UVRAG: variants seen among roughly 807,000 people sequenced by gnomAD.
UVRAG encodes UV radiation resistance-associated gene protein.
In UVRAG, 19 loss-of-function variants were observed where a neutral mutation model predicts 78.0. That is an observed-to-expected ratio of 0.24 (90% CI 0.17 to 0.36). UVRAG has a LOEUF of 0.36. Ranked by LOEUF, UVRAG falls within the 10% of genes least tolerant of loss-of-function variation. UVRAG has a pLI of 1.00. For synonymous variants in UVRAG, 323 were observed against 324.6 expected, an observed-to-expected ratio of 1.00 and a Z score of 0.05; for missense variants, 740 against 853.8, an observed-to-expected ratio of 0.87 and a Z score of 1.66.
chr11:75,963,102 T>A (rs1948939208), intron 7 of UVRAG, among the ~76,000 whole-genome samples: 2 of 152,212 alleles, frequency 1.3e-5, no homozygotes, highest in South Asian at 4.1e-4. Flanking sequence ...GTACATTCTA[T>A]CCCTTTTCCT....
chr11:76,033,026 G>A (rs754111819), intron 12 of UVRAG, among the ~76,000 whole-genome samples: 4 of 152,108 alleles, frequency 2.6e-5, no homozygotes, highest in African/African-American at 7.2e-5. Flanking sequence ...TTTTGATCAC[G>A]GATTGGTTGT....
chr11:75,856,175 G>A (rs1035701832), intron 2 of UVRAG, among the ~76,000 whole-genome samples: 3 of 151,572 alleles, frequency 2.0e-5, no homozygotes, highest in Non-Finnish European at 1.5e-5. Flanking sequence ...ATTTTTAGTA[G>A]AGACGGGGTT....
chr11:75,949,543 A>G (rs747629365), intron 6 of UVRAG, among the ~76,000 whole-genome samples: 2 of 152,038 alleles, frequency 1.3e-5, no homozygotes, highest in Non-Finnish European at 1.5e-5. Context: ...GGCACCTCCA[A>G]CTGAAAATAG....
intron 5 of UVRAG, among the ~76,000 whole-genome samples, chr11:75,897,900 C>T (rs1300312802): frequency 2.0e-5 from 2 of 100,654 alleles, no homozygotes; most frequent in Non-Finnish European, 3.6e-5. Flanking sequence ...GGACAAGTCT[C>T]GTTCTGTCAC....
intron 4 of UVRAG, among the ~76,000 whole-genome samples, chr11:75,882,551 A>C (rs1157014582): frequency 6.6e-6 from 1 of 152,124 alleles, no homozygotes; most frequent in Non-Finnish European, 1.5e-5. Context: ...TCTAAAAAAA[A>C]CTAAAAATCT....
At chr11:76,131,683 A>G (rs574647679) in intron 14 of UVRAG, among the ~76,000 whole-genome samples, 3 of 152,212 alleles carry the variant, frequency 2.0e-5, no homozygotes, top group Admixed American at 6.5e-5. Flanking sequence ...TTCTATTTTT[A>G]TTTTGTTTCA....
chr11:76,020,294 G>C (rs1950220245), intron 12 of UVRAG, among the ~76,000 whole-genome samples: 1 of 152,070 alleles, frequency 6.6e-6, no homozygotes, highest in East Asian at 1.9e-4. Context: ...CCTGGAATCA[G>C]GGACCCCAAA....
intron 13 of UVRAG, among the ~76,000 whole-genome samples, chr11:76,083,683 A>G (rs2134414685): frequency 6.6e-6 from 1 of 152,334 alleles, no homozygotes; most frequent in East Asian, 1.9e-4. Flanking sequence ...ACTTTGTATA[A>G]CCAAGCCAAA....
At chr11:75,945,213 G>T (rs1221325093) in intron 6 of UVRAG, among the ~76,000 whole-genome samples, 1 of 152,082 alleles carries the variant, frequency 6.6e-6, no homozygotes, top group African/African-American at 2.4e-5. Flanking sequence ...TTGTGCTTTG[G>T]GGGGTTAAGA....
At chr11:75,954,437 A>G (rs2135180290) in intron 6 of UVRAG, among the ~76,000 whole-genome samples, 1 of 152,272 alleles carries the variant, frequency 6.6e-6, no homozygotes, top group South Asian at 2.1e-4. Context: ...CTCTGGGTTG[A>G]TGATGCCTAT....
At chr11:75,855,069 T>C (rs1054879885) in intron 2 of UVRAG, among the ~76,000 whole-genome samples, 11 of 152,234 alleles carry the variant, frequency 7.2e-5, no homozygotes, top group African/African-American at 2.4e-4. Context: ...ATAATAATCA[T>C]AATAGTATTT....
chr11:75,816,661 C>T (rs1280160047), intron 1 of UVRAG, among the ~76,000 whole-genome samples: 1 of 152,216 alleles, frequency 6.6e-6, no homozygotes, highest in African/African-American at 2.4e-5. Context: ...CAGTGTCTGA[C>T]TCTGCAGCCA....
intron 2 of UVRAG, among the ~76,000 whole-genome samples, chr11:75,853,257 A>C (rs762191960): frequency 7.1e-6 from 1 of 140,680 alleles, no homozygotes; most frequent in Non-Finnish European, 1.5e-5. Context: ...TTGTTTAACA[A>C]CTTTTTTTAA....
In UVRAG at chr11:76,016,965, C is replaced by A; in HGVS notation, c.1211C>A (p.Thr404Lys). 1.9e-6 allele frequency: 3 copies of A among 1,598,754 alleles called. No homozygotes were observed. Among genetic ancestry groups the A allele is most frequent in the Non-Finnish European group, 1.7e-6 (2 of 1,171,860 alleles). ...TIKDNINDKL[T>K]EKEREFPLYP... ...AAAGACAATATCAATGACAAACTGA[C>A]GGAAAAGGAGAGAGAGTAAGTGTCT... The change falls in exon 12 of 15, where the codon ACG (threonine) becomes AAG (lysine). Residue 404 changes from threonine (T) to lysine (K), a missense_variant. By Grantham distance (78) the Thr-to-Lys change is moderately conservative (BLOSUM62 -1). Coordinates refer to ENST00000356136, the MANE Select transcript of UVRAG (RefSeq NM_003369.4).
At chr11:75,974,159 C>A (rs942207321) in intron 7 of UVRAG, among the ~76,000 whole-genome samples, 3 of 152,156 alleles carry the variant, frequency 2.0e-5, no homozygotes, top group Admixed American at 1.3e-4. Context: ...AACTAGTTTA[C>A]AGTCCCACCA....
intron 6 of UVRAG, among the ~76,000 whole-genome samples, chr11:75,931,619 A>C (rs1489908700): frequency 6.6e-6 from 1 of 152,222 alleles, no homozygotes; most frequent in Non-Finnish European, 1.5e-5. Flanking sequence ...CACAGCCCTT[A>C]GTAATAACCA....
rs556604550 is a variant in UVRAG at position 76,110,744 on chromosome 11, A to G, written c.1306-5180A>G. On this transcript the variant is annotated intron_variant, in intron 13 of 14. Coordinates refer to ENST00000356136, the MANE Select transcript of UVRAG (RefSeq NM_003369.4). ...GCCTAGAGAGAGACATAGAGACAAGAAAGAGAGCTTTCTGCCAGAGTAATG... is the reference window on the plus strand; with the variant it reads ...GCCTAGAGAGAGACATAGAGACAAGGAAGAGAGCTTTCTGCCAGAGTAATG... Among the ~76,000 whole-genome samples the G allele has an allele frequency of 2.3e-3, 345 of 152,280 alleles. 3 individuals carry two copies. Among genetic ancestry groups the G allele is most frequent in the African/African-American group, 7.7e-3 (319 of 41,524 alleles).
chr11:76,099,939 T>C (rs1951850186), intron 13 of UVRAG, among the ~76,000 whole-genome samples: 1 of 152,106 alleles, frequency 6.6e-6, no homozygotes, highest in Non-Finnish European at 1.5e-5. Context: ...AGACTTTTTT[T>C]CTTACCTAAT....
intron 6 of UVRAG, among the ~76,000 whole-genome samples, chr11:75,924,946 G>T (rs1948064152): frequency 6.6e-6 from 1 of 152,160 alleles, no homozygotes; most frequent in African/African-American, 2.4e-5. Context: ...GGTGAATGAA[G>T]AATAAAATAG....
Sources: gnomAD v4.1 joint callset for allele counts (sites outside exome capture counted in the v4.1 genomes callset) on GRCh38, gnomAD v4.1.1 for gene constraint, MANE v1.5 for transcripts, NCBI Gene and HGNC (gene_info 2026-07-23, HGNC 2026-07-21) for gene names.